CFAP47: variants seen among roughly 807,000 people sequenced by gnomAD.
CFAP47 encodes cilia- and flagella-associated protein 47.
A neutral mutation model predicts 148.1 loss-of-function variants in CFAP47; 29 were observed. That is an observed-to-expected ratio of 0.20 (90% CI 0.15 to 0.27). The LOEUF (loss-of-function observed/expected upper bound fraction) is 0.27. Ranked by LOEUF, CFAP47 falls within the 10% of genes least tolerant of loss-of-function variation. CFAP47 has a pLI of 1.00. For synonymous variants in CFAP47, 664 were observed against 577.3 expected (o/e 1.15, Z -2.15); for missense variants, 1,872 against 1,697.5 (o/e 1.10, Z -1.81).
intron 56 of CFAP47, 56 bp downstream of exon 56, chrX:36,311,045 T>G: frequency 1.5e-6 from 1 of 674,181 alleles, no homozygotes; most frequent in Non-Finnish European, 2.1e-6. Flanking sequence ...ATCAGACTTA[T>G]TTTATCATAG....
chrX:35,985,840 T>C, intron 15 of CFAP47: 1 of 245,067 alleles, frequency 4.1e-6, no homozygotes, highest in Non-Finnish European at 8.0e-6. Flanking sequence ...GCAGTCCCCA[T>C]GCCAAACCCT....
chrX:36,015,123 A>G (rs1937082390), intron 22 of CFAP47, among the ~76,000 whole-genome samples: 1 of 110,816 alleles, frequency 9.0e-6, no homozygotes, highest in South Asian at 3.8e-4. Flanking sequence ...CTGGCAAGCA[A>G]CTTGCTAAAA....
intron 21 of CFAP47, among the ~76,000 whole-genome samples, chrX:36,009,092 A>G (rs1169531939): frequency 9.0e-6 from 1 of 111,437 alleles, no homozygotes; most frequent in East Asian, 2.8e-4. Context: ...GATGGGTCCT[A>G]TCATTATAAT....
chrX:36,344,445 T>A, intron 57 of CFAP47, among the ~76,000 whole-genome samples: 1 of 111,339 alleles, frequency 9.0e-6, no homozygotes, highest in Non-Finnish European at 1.9e-5. Flanking sequence ...AAAGGTATAA[T>A]AATAGCTAAA....
intron 33 of CFAP47, among the ~76,000 whole-genome samples, chrX:36,127,532 C>T (rs1300951118): frequency 4.5e-5 from 5 of 111,478 alleles, no homozygotes; most frequent in Non-Finnish European, 9.4e-5. Flanking sequence ...TAACGTGATG[C>T]CTCTAGCTTT....
chrX:36,191,855 C>G (rs781907954), intron 42 of CFAP47, among the ~76,000 whole-genome samples: 64 of 110,322 alleles, frequency 5.8e-4, no homozygotes, highest in African/African-American at 2.1e-3. Flanking sequence ...TAGTGGCACG[C>G]ACCTGTAGTC....
intron 26 of CFAP47, among the ~76,000 whole-genome samples, chrX:36,056,522 A>G (rs1222991545): frequency 1.8e-5 from 2 of 112,259 alleles, no homozygotes; most frequent in African/African-American, 6.5e-5. Context: ...GTCCTAAAAC[A>G]CACCAAAAGC....
intron 36 of CFAP47, among the ~76,000 whole-genome samples, chrX:36,147,722 A>G (rs142738005): frequency 8.3e-4 from 93 of 112,456 alleles, no homozygotes; most frequent in African/African-American, 2.7e-3. Flanking sequence ...CACTTGTTCT[A>G]TTGGTTACCA....
In CFAP47 at chrX:36,071,843, A is replaced by G. The variant is rs769373141; in HGVS notation, c.4337A>G (p.Lys1446Arg). The G allele has an allele frequency of 8.3e-7, 1 of 1,204,236 alleles. No individual in the cohort carries two copies. Among genetic ancestry groups the G allele is most frequent in the Non-Finnish European group, 1.1e-6 (1 of 892,329 alleles). The change falls in exon 28 of 64, where the codon AAG (lysine) becomes AGG (arginine). Residue 1446 changes from lysine (K) to arginine (R), a missense_variant. Transcript: ENST00000378653. ...TTTGTAGATAAGGATGAATATCTTA[A>G]GAAGACTAGAGATGGTGTTTTGCCT... The part of the protein sequence containing the change: ...ILKNDKDEYL[K>R]KTRDGVLPPY...
chrX:36,072,179 G>A (rs1937767748), intron 28 of CFAP47, among the ~76,000 whole-genome samples: 1 of 112,166 alleles, frequency 8.9e-6, no homozygotes, highest in African/African-American at 3.2e-5. Flanking sequence ...TTGGTTCACA[G>A]CACTCTTACT....
intron 58 of CFAP47, among the ~76,000 whole-genome samples, chrX:36,348,584 C>A (rs1164835479): frequency 2.7e-5 from 3 of 110,643 alleles, no homozygotes; most frequent in Non-Finnish European, 5.7e-5. Context: ...CAGAGACATG[C>A]AAAGGGACTC....
intron 46 of CFAP47, among the ~76,000 whole-genome samples, chrX:36,229,916 C>T (rs1940321959): frequency 9.8e-6 from 1 of 102,054 alleles, no homozygotes; most frequent in African/African-American, 3.6e-5. Flanking sequence ...CAATTTCATC[C>T]ATGTCCCTAC....
chrX:35,996,002 G>A (rs1490666256), intron 18 of CFAP47, among the ~76,000 whole-genome samples: 2 of 111,356 alleles, frequency 1.8e-5, no homozygotes, highest in African/African-American at 6.5e-5. Flanking sequence ...TTGTAAAAAT[G>A]AGACAGATGA....
At chrX:36,065,442 A>T (rs754356041) in intron 26 of CFAP47, among the ~76,000 whole-genome samples, 2 of 112,189 alleles carry the variant, frequency 1.8e-5, no homozygotes, top group Non-Finnish European at 3.8e-5. Context: ...AGTGAAATTT[A>T]TACTATCTAT....
intron 48 of CFAP47, among the ~76,000 whole-genome samples, chrX:36,238,256 G>A (rs1569296795): frequency 9.0e-6 from 1 of 111,398 alleles, no homozygotes; most frequent in African/African-American, 3.3e-5. Flanking sequence ...AGATCTGATG[G>A]TTTTATAAAG....
intron 30 of CFAP47, among the ~76,000 whole-genome samples, chrX:36,090,147 T>C (rs1938159606): frequency 8.9e-6 from 1 of 112,278 alleles, no homozygotes; most frequent in Non-Finnish European, 1.9e-5. Flanking sequence ...GGAAACTTTA[T>C]TTAAATTTTA....
intron 22 of CFAP47, among the ~76,000 whole-genome samples, chrX:36,019,098 G>C (rs1937129298): frequency 9.0e-6 from 1 of 111,352 alleles, no homozygotes; most frequent in Non-Finnish European, 1.9e-5. Flanking sequence ...AGTTGTGGGG[G>C]GGTCTGTCCC....
chrX:36,002,001 A>C (rs150092161), intron 21 of CFAP47, among the ~76,000 whole-genome samples: 1,853 of 111,683 alleles, frequency 0.017, 45 homozygotes, highest in African/African-American at 0.058. Flanking sequence ...GTTATATTCC[A>C]GGCAGTTGGT....
intron 56 of CFAP47, among the ~76,000 whole-genome samples, chrX:36,312,608 G>A (rs147380876): frequency 3.1e-3 from 343 of 111,518 alleles, no homozygotes; most frequent in African/African-American, 0.011. Flanking sequence ...TTATAACTAT[G>A]AGCATGTTAT....
Sources: allele counts gnomAD v4.1 joint callset (sites outside exome capture counted in the v4.1 genomes callset), GRCh38; gene constraint gnomAD v4.1.1; transcripts MANE v1.5; gene names NCBI Gene and HGNC (gene_info 2026-07-23, HGNC 2026-07-21).